Variants in PTPRD observed in about 807,000 individuals in gnomAD.
PTPRD encodes the protein protein tyrosine phosphatase receptor type D.
PTPRD carries 34 observed loss-of-function variants against 214.5 expected under a neutral mutation model. The ratio of observed to expected loss-of-function variants is 0.16; its 90% CI spans 0.12 to 0.21. PTPRD has a LOEUF of 0.21. Among genes scored for constraint, PTPRD ranks in the 10% least tolerant of loss-of-function variants. The pLI is 1.00. For synonymous variants in PTPRD, 1,128 were observed against 845.7 expected, an observed-to-expected ratio of 1.33 and a Z score of -5.79; for missense variants, 2,545 against 2,398.7, an observed-to-expected ratio of 1.06 and a Z score of -1.27.
At position 8,419,505 on chromosome 9, in the gene PTPRD, T is replaced by C. The variant is rs1036305626; in HGVS notation, c.4087-14845A>G. Reference sequence around the variant, plus strand: ...TTCATAAATAACAATATGGGTAAAGTAACAAACATAAATGGCACGCTCTAC... The same window carrying C: ...TTCATAAATAACAATATGGGTAAAGCAACAAACATAAATGGCACGCTCTAC... On this transcript the variant is annotated intron_variant, in intron 35 of 45. Transcript: ENST00000381196. Among the ~76,000 whole-genome samples the C allele has an allele frequency of 3.9e-5, 6 of 152,074 alleles. No individual in the cohort carries two copies. In the East Asian group the frequency reaches 1.2e-3, roughly 29 times the overall value.
At chr9:10,583,957 T>C (rs1412447201) in intron 2 of PTPRD, among the ~76,000 whole-genome samples, 3 of 152,094 alleles carry the variant, frequency 2.0e-5, no homozygotes, top group African/African-American at 4.8e-5. Flanking sequence ...ACTGAAAACA[T>C]GGGATGGTAT....
rs1273431825 is a variant in PTPRD at position 9,953,527 on chromosome 9, C to A, written c.-471-14917G>T. Among the ~76,000 whole-genome samples, 3 of 151,586 alleles carry A rather than the reference C, an allele frequency of 2.0e-5. No homozygotes were observed. In the Middle Eastern group the frequency reaches 0.01, roughly 519 times the overall value. Reference sequence around the variant, plus strand: ...ACACACACACACACACACACACATACATACACACTCACTTTTGGTTTTGTT... The same window carrying A: ...ACACACACACACACACACACACATAAATACACACTCACTTTTGGTTTTGTT... On this transcript the variant is annotated intron_variant, in intron 4 of 45. Coordinates refer to ENST00000381196, the MANE Select transcript of PTPRD (RefSeq NM_002839.4).
chr9:8,927,116 TA>T (rs921800197), intron 11 of PTPRD, among the ~76,000 whole-genome samples: 46 of 151,910 alleles, frequency 3.0e-4, no homozygotes, highest in African/African-American at 9.4e-4. Flanking sequence ...CTTAAGAACA[TA>T]AAAAAAAGGC....
chr9:9,485,156 A>G (rs1270751752), intron 8 of PTPRD, among the ~76,000 whole-genome samples: 1 of 152,222 alleles, frequency 6.6e-6, no homozygotes, highest in Non-Finnish European at 1.5e-5. Context: ...TGTAAAAATA[A>G]TCTATAATAC....
At chr9:9,936,609 A>G (rs1317443448) in intron 5 of PTPRD, among the ~76,000 whole-genome samples, 2 of 134,116 alleles carry the variant, frequency 1.5e-5, no homozygotes, top group African/African-American at 3.2e-5. Context: ...AAATAGGAAC[A>G]CTTTTACACT....
intron 39 of PTPRD, among the ~76,000 whole-genome samples, chr9:8,342,403 T>C (rs1853317008): frequency 6.6e-6 from 1 of 152,106 alleles, no homozygotes; most frequent in Non-Finnish European, 1.5e-5. Flanking sequence ...TTTCGTCCCA[T>C]GTACAAAACA....
intron 2 of PTPRD, among the ~76,000 whole-genome samples, chr9:10,537,332 T>C (rs1168821406): frequency 3.3e-5 from 5 of 152,186 alleles, no homozygotes; most frequent in Non-Finnish European, 7.4e-5. Context: ...CCAAATTCTG[T>C]TAATGAGCTC....
At chr9:9,162,941 T>G (rs1218539779) in intron 10 of PTPRD, among the ~76,000 whole-genome samples, 1 of 152,278 alleles carries the variant, frequency 6.6e-6, no homozygotes. Flanking sequence ...CATTTGATAC[T>G]GTTGGCAACT....
intron 8 of PTPRD, among the ~76,000 whole-genome samples, chr9:9,557,726 G>C (rs1290064824): frequency 1.3e-5 from 2 of 152,132 alleles, no homozygotes; most frequent in East Asian, 1.9e-4. Flanking sequence ...ATAATTGCCA[G>C]TTAGAAAAGC....
At chr9:9,524,901 A>C (rs1412076369) in intron 8 of PTPRD, among the ~76,000 whole-genome samples, 1 of 152,206 alleles carries the variant, frequency 6.6e-6, no homozygotes, top group Non-Finnish European at 1.5e-5. Flanking sequence ...TCTGTTGCCC[A>C]GGCTGGAGTA....
At chr9:10,087,328 A>C (rs1311004898) in intron 3 of PTPRD, among the ~76,000 whole-genome samples, 2 of 151,686 alleles carry the variant, frequency 1.3e-5, no homozygotes, top group East Asian at 1.9e-4. Context: ...TTAGGACTCA[A>C]TTTTAAGCCA....
Position 8,331,718 on chromosome 9 carries a change from C to G in PTPRD, c.5398G>C (p.Val1800Leu), listed in dbSNP as rs1370795762. 2 of 1,606,702 alleles carry G rather than the reference C, an allele frequency of 1.2e-6. No individual in the cohort carries two copies. The highest frequency in any genetic ancestry group is 2.2e-5 in the South Asian group (2 of 89,744). The change falls in exon 44 of 46, where the codon GTA becomes CTA. Residue 1800 changes from valine to leucine, a missense_variant. Transcript: ENST00000381196. ...CAGTCAGTGAACTGGAACTGCCTTA[C>G]TGTTCGGGACTGGCCGTCCTTTAGA... ...TDARDGQSRT[V>L]RQFQFTDWPE... is the part of the protein sequence containing the mutation.
At chr9:9,229,272 T>C (rs2099961561) in intron 9 of PTPRD, among the ~76,000 whole-genome samples, 1 of 152,166 alleles carries the variant, frequency 6.6e-6, no homozygotes, top group Non-Finnish European at 1.5e-5. Context: ...GTCCTGTAAC[T>C]GATAAGATTT....
At chr9:9,648,950 C>T (rs893986850) in intron 7 of PTPRD, among the ~76,000 whole-genome samples, 14 of 151,904 alleles carry the variant, frequency 9.2e-5, no homozygotes, top group African/African-American at 2.2e-4. Context: ...GCAGAAAAAC[C>T]GGCTCACCAA....
intron 9 of PTPRD, among the ~76,000 whole-genome samples, chr9:9,304,111 T>A (rs534120173): frequency 6.6e-6 from 1 of 152,206 alleles, no homozygotes; most frequent in South Asian, 2.1e-4. Context: ...TATTAATATC[T>A]CCCATTTTCC....
chr9:8,671,362 G>T (rs999779693), intron 12 of PTPRD, among the ~76,000 whole-genome samples: 1 of 152,036 alleles, frequency 6.6e-6, no homozygotes, highest in Non-Finnish European at 1.5e-5. Flanking sequence ...AGGTGTTTTG[G>T]AAAAGGGGAA....
intron 8 of PTPRD, among the ~76,000 whole-genome samples, chr9:9,419,162 CACAA>C (rs948657458): frequency 2.7e-5 from 4 of 150,752 alleles, no homozygotes; most frequent in Non-Finnish European, 3.0e-5. Flanking sequence ...CACACACACA[CACAA>C]GCATGATATA....
chr9:9,563,137 CT>C (rs1330528848), intron 8 of PTPRD, among the ~76,000 whole-genome samples: 1 of 152,130 alleles, frequency 6.6e-6, no homozygotes, highest in Non-Finnish European at 1.5e-5. Context: ...TGACCCTTCT[CT>C]TTGGTAGGAG....
chr9:9,037,889 T>G (rs932130335), intron 10 of PTPRD, among the ~76,000 whole-genome samples: 9 of 152,146 alleles, frequency 5.9e-5, no homozygotes, highest in Admixed American at 3.9e-4. Context: ...AGCAGGGACT[T>G]GGGAAGCAGG....
Sources: gnomAD v4.1 joint callset for allele counts (sites outside exome capture counted in the v4.1 genomes callset) on GRCh38, gnomAD v4.1.1 for gene constraint, MANE v1.5 for transcripts, NCBI Gene and HGNC (gene_info 2026-07-23, HGNC 2026-07-21) for gene names.